NAALADL2: variants seen among roughly 807,000 people sequenced by gnomAD.
The protein encoded by NAALADL2 is N-acetylated alpha-linked acidic dipeptidase like 2.
Under a neutral mutation model 87.2 loss-of-function variants are expected in NAALADL2, and 76 were observed. The ratio of observed to expected loss-of-function variants is 0.87; its 90% CI spans 0.72 to 1.05. NAALADL2 has a LOEUF of 1.05. NAALADL2 is among the 50% of genes least tolerant of loss of function. The probability of loss-of-function intolerance (pLI) is 0.00; values close to 1 mark genes in which losing one functional copy is unlikely to be tolerated. For synonymous variants in NAALADL2, 354 were observed against 331.0 expected, an observed-to-expected ratio of 1.07 and a Z score of -0.75; for missense variants, 1,089 against 945.8, an observed-to-expected ratio of 1.15 and a Z score of -1.99.
intron 2 of NAALADL2, among the ~76,000 whole-genome samples, chr3:174,650,626 C>G (rs548305642): frequency 6.6e-6 from 1 of 151,982 alleles, no homozygotes; most frequent in African/African-American, 2.4e-5. Flanking sequence ...TAGTTACGGT[C>G]GTAATTGTTA....
At chr3:175,499,400 A>G (rs1244867344) in intron 9 of NAALADL2, among the ~76,000 whole-genome samples, 3 of 151,630 alleles carry the variant, frequency 2.0e-5, no homozygotes, top group Non-Finnish European at 4.4e-5. Context: ...TAATGCTTTA[A>G]ATTTTTGTTT....
At chr3:175,788,521 G>C (rs1157114036) in intron 13 of NAALADL2, among the ~76,000 whole-genome samples, 3 of 152,100 alleles carry the variant, frequency 2.0e-5, no homozygotes, top group African/African-American at 7.2e-5. Flanking sequence ...TACTGTACAG[G>C]TTTGTAGCCG....
intron 2 of NAALADL2, among the ~76,000 whole-genome samples, chr3:175,164,250 A>C (rs1733660618): frequency 6.6e-6 from 1 of 151,924 alleles, no homozygotes; most frequent in Non-Finnish European, 1.5e-5. Context: ...TTCCCCATTA[A>C]AAATATATGT....
At chr3:175,657,801 T>C (rs982176464) in intron 11 of NAALADL2, among the ~76,000 whole-genome samples, 3 of 151,920 alleles carry the variant, frequency 2.0e-5, no homozygotes, top group African/African-American at 7.2e-5. Flanking sequence ...CAGGATGGTA[T>C]TCCTGACCTC....
chr3:174,837,102 C>T (rs1185236111), intron 3 of NAALADL2, among the ~76,000 whole-genome samples: 3 of 151,868 alleles, frequency 2.0e-5, no homozygotes, highest in Admixed American at 1.3e-4. Context: ...GAAACAAGAA[C>T]AAACCAAACC....
intron 9 of NAALADL2, among the ~76,000 whole-genome samples, chr3:175,486,865 T>A (rs2149333673): frequency 6.6e-6 from 1 of 152,314 alleles, no homozygotes; most frequent in South Asian, 2.1e-4. Flanking sequence ...TGGGAAGTCC[T>A]ATTGGCTCTC....
At chr3:175,335,366 T>C (rs1761873291) in intron 5 of NAALADL2, among the ~76,000 whole-genome samples, 1 of 152,226 alleles carries the variant, frequency 6.6e-6, no homozygotes, top group African/African-American at 2.4e-5. Flanking sequence ...AGTGTGATGT[T>C]TGAAAAAATT....
In NAALADL2 at chr3:174,786,514, T is replaced by C. The variant is rs1206055618; in HGVS notation, c.-9+48768T>C. The stretch of plus-strand genomic sequence containing the variant: ...AAAAAAAGAAAAAGTAAAATTATTC[T>C]TGTTATTTTTGGGTAGAGAGGATGA... On this transcript the variant is annotated intron_variant, in intron 3 of 3. Coordinates refer to the NAALADL2 transcript ENST00000434257. Among the ~76,000 whole-genome samples the C allele has an allele frequency of 3.3e-5, 5 of 151,826 alleles. 1 individual carries two copies. Among genetic ancestry groups the C allele is most frequent in the Admixed American group, 6.6e-5 (1 of 15,214 alleles).
At chr3:175,011,511 A>G (rs1159178378) in intron 1 of NAALADL2, among the ~76,000 whole-genome samples, 1 of 152,208 alleles carries the variant, frequency 6.6e-6, no homozygotes, top group Non-Finnish European at 1.5e-5. Context: ...TCAGGTAAGC[A>G]GAGAAGAGAG....
At position 175,013,080 on chromosome 3, in the gene NAALADL2, A is replaced by ATATATATT. The variant is rs1560474719; in HGVS notation, c.44-83708_44-83707insTATATTTA. On this transcript the variant is annotated intron_variant, in intron 1 of 13. Coordinates refer to ENST00000454872, the MANE Select transcript of NAALADL2 (RefSeq NM_207015.3). ...ATATACACATATATATAAATATGTA[A>ATATATATT]TACATATTTATATATAAATATACAT... is the stretch of plus-strand genomic sequence containing the variant. Among the ~76,000 whole-genome samples, 2 of 79,392 alleles carry ATATATATT rather than the reference A, an allele frequency of 2.5e-5. 1 individual carries two copies. Among genetic ancestry groups the ATATATATT allele is most frequent in the African/African-American group, 1.4e-4 (2 of 14,404 alleles). The allele number at this position is 79,392 out of a possible 152,430, so 52.1% of individuals were successfully genotyped here. A position where few individuals can be genotyped will look rare whatever the true frequency, so the allele number is the denominator to read the frequency against.
intron 2 of NAALADL2, among the ~76,000 whole-genome samples, chr3:175,108,461 G>A (rs1240122581): frequency 6.6e-6 from 1 of 151,982 alleles, no homozygotes; most frequent in Non-Finnish European, 1.5e-5. Flanking sequence ...GTATCTGTGA[G>A]AATAAAATGA....
intron 2 of NAALADL2, among the ~76,000 whole-genome samples, chr3:174,608,694 C>A (rs1719415016): frequency 6.6e-6 from 1 of 151,270 alleles, no homozygotes. Flanking sequence ...CAAAAAGAGT[C>A]CAGGACCAGA....
intron 2 of NAALADL2, among the ~76,000 whole-genome samples, chr3:175,159,194 T>A (rs1732759523): frequency 6.6e-6 from 1 of 152,198 alleles, no homozygotes; most frequent in Non-Finnish European, 1.5e-5. Flanking sequence ...GGCAATTAGC[T>A]ACAAGTGCAA....
At chr3:175,638,087 A>T (rs565162301) in intron 11 of NAALADL2, among the ~76,000 whole-genome samples, 46 of 152,242 alleles carry the variant, frequency 3.0e-4, no homozygotes, top group Non-Finnish European at 5.4e-4. Context: ...AGTTTTGTAA[A>T]ATAGATGAAT....
chr3:175,273,733 C>CGTGTGTGTGTGTGTGCGT (rs1753185583), intron 4 of NAALADL2, among the ~76,000 whole-genome samples: 1 of 148,742 alleles, frequency 6.7e-6, no homozygotes, highest in African/African-American at 2.5e-5. Context: ...TGTGTGTGTG[C>CGTGTGTGTGTGTGTGCGT]GTGTGTGTGT....
chr3:174,892,733 G>T (rs1046280950), intron 1 of NAALADL2, among the ~76,000 whole-genome samples: 8 of 151,908 alleles, frequency 5.3e-5, no homozygotes, highest in Admixed American at 5.2e-4. Context: ...AGACGACCCT[G>T]GGCATCATGG....
rs1474128300 is a variant in NAALADL2 at position 175,808,907 on chromosome 3, T to G, written c.*5704T>G. ...TTTTCAATCAAAATGTGTAATTATT[T>G]AATTATCTAGCCTGCTCAGTAATCA... On this transcript the variant is annotated 3_prime_UTR_variant, in exon 14 of 14. Coordinates refer to ENST00000454872, the MANE Select transcript of NAALADL2 (RefSeq NM_207015.3). The G allele has an allele frequency of 1.3e-5, 2 of 151,996 alleles. No individual in the cohort carries two copies. The allele number at this position is 151,996 out of a possible 1,614,324, so 9.4% of individuals were successfully genotyped here.
chr3:174,948,451 A>G (rs577231662), intron 1 of NAALADL2, among the ~76,000 whole-genome samples: 43 of 152,328 alleles, frequency 2.8e-4, no homozygotes, highest in African/African-American at 1.0e-3. Flanking sequence ...TGCTGGGATT[A>G]CAGGCGTGAG....
intron 4 of NAALADL2, among the ~76,000 whole-genome samples, chr3:175,262,999 C>CAAAAA (rs71626206): frequency 7.8e-6 from 1 of 128,930 alleles, no homozygotes. Flanking sequence ...GAAGTAATTG[C>CAAAAA]AAAAAAAAAA....
Sources: gnomAD v4.1 joint callset for allele counts (sites outside exome capture counted in the v4.1 genomes callset) on GRCh38, gnomAD v4.1.1 for gene constraint, MANE v1.5 for transcripts, NCBI Gene and HGNC (gene_info 2026-07-23, HGNC 2026-07-21) for gene names.